NFIB: variants seen among roughly 807,000 people sequenced by gnomAD.
NFIB encodes nuclear factor I B.
A neutral mutation model predicts 61.5 loss-of-function variants in NFIB; 11 were observed. The ratio of observed to expected loss-of-function variants is 0.18; its 90% CI spans 0.11 to 0.30. NFIB has a LOEUF of 0.30. Ranked by LOEUF, NFIB falls within the 10% of genes least tolerant of loss-of-function variation. NFIB has a pLI of 1.00. For synonymous variants in NFIB, 260 were observed against 216.5 expected (o/e 1.20, Z -1.76); for missense variants, 471 against 608.9 (o/e 0.77, Z 2.38).
At chr9:14,521,393 G>A in the NFIB span, among the ~76,000 whole-genome samples, 9,992 of 152,112 alleles carry the variant, frequency 0.066, 430 homozygotes, top group East Asian at 0.16. Flanking sequence ...TGGTGTTATG[G>A]GAAGTGCCAA....
intron 6 of NFIB, 87 bp downstream of exon 6, chr9:14,146,602 T>A: frequency 1.3e-6 from 2 of 1,575,584 alleles, no homozygotes. Context: ...CCATATTGGT[T>A]TAATTATGAA....
chr9:14,102,646 A>T (rs2035950510), intron 10 of NFIB: 1 of 611,918 alleles, frequency 1.6e-6, no homozygotes, highest in African/African-American at 1.9e-5. Context: ...AGAAAAAAAA[A>T]AAGCAAAAAA....
intron 1 of NFIB, among the ~76,000 whole-genome samples, chr9:14,329,019 C>T: frequency 6.6e-6 from 1 of 152,202 alleles, no homozygotes; most frequent in East Asian, 1.9e-4. Context: ...GGAGTAGCAA[C>T]TGCCCCCTTT....
upstream of NFIB, among the ~76,000 whole-genome samples, chr9:14,316,682 GAC>G (rs140397546): frequency 3.3e-5 from 5 of 151,664 alleles, no homozygotes; most frequent in East Asian, 1.9e-4. Context: ...AACACACACA[GAC>G]ACACACACAC....
intron 2 of NFIB, among the ~76,000 whole-genome samples, chr9:14,302,991 G>A (rs2059829884): frequency 6.6e-6 from 1 of 152,184 alleles, no homozygotes; most frequent in Non-Finnish European, 1.5e-5. Context: ...ACAAAATTGT[G>A]CACTGAGAAT....
the NFIB span, among the ~76,000 whole-genome samples, chr9:14,511,749 G>A: frequency 6.6e-6 from 1 of 152,108 alleles, no homozygotes; most frequent in African/African-American, 2.4e-5. Context: ...TCCACTACTT[G>A]ATCTGTCTGA....
At chr9:14,389,907 A>C (rs1040588854) in intron 1 of NFIB, among the ~76,000 whole-genome samples, 2 of 152,230 alleles carry the variant, frequency 1.3e-5, no homozygotes, top group Admixed American at 1.3e-4. Flanking sequence ...TAGTCTGGGC[A>C]GTTGTGTCAT....
At chr9:14,363,626 T>TGTACATATACATATATATGTATATGTAC (rs1484875145) in intron 1 of NFIB, among the ~76,000 whole-genome samples, 7 of 123,822 alleles carry the variant, frequency 5.7e-5, no homozygotes, top group South Asian at 2.3e-4. Context: ...TGTATATGTG[T>TGTACATATACATATATATGTATATGTAC]GTACATATAC....
At chr9:14,419,227 G>T in the NFIB span, among the ~76,000 whole-genome samples, 2 of 149,624 alleles carry the variant, frequency 1.3e-5, no homozygotes. Context: ...CCTCAACATG[G>T]GCCCCTTGGA....
intron 1 of NFIB, among the ~76,000 whole-genome samples, chr9:14,395,690 C>T (rs553563477): frequency 6.0e-5 from 9 of 150,616 alleles, no homozygotes; most frequent in Non-Finnish European, 1.3e-4. Flanking sequence ...AAAATTCTTC[C>T]TCATCCCTCC....
chr9:14,141,779 G>T (rs1228471209), intron 6 of NFIB, among the ~76,000 whole-genome samples: 1 of 151,030 alleles, frequency 6.6e-6, no homozygotes, highest in Non-Finnish European at 1.5e-5. Context: ...TACTCATCTG[G>T]CTGAAAAGCT....
chr9:14,266,075 C>T (rs1464183766), intron 2 of NFIB, among the ~76,000 whole-genome samples: 2 of 152,028 alleles, frequency 1.3e-5, no homozygotes, highest in East Asian at 3.9e-4. Flanking sequence ...GATGTGGGTT[C>T]CTCTCCCGTA....
intron 2 of NFIB, among the ~76,000 whole-genome samples, chr9:14,192,619 T>G (rs1470740703): frequency 4.6e-5 from 7 of 152,174 alleles, no homozygotes; most frequent in African/African-American, 1.7e-4. Context: ...ATTCCTTCCC[T>G]CCTCTGCTTT....
intron 8 of NFIB, 143 bp from the exon 9 acceptor site, chr9:14,116,489 G>T (rs2038165627): frequency 1.3e-6 from 1 of 787,948 alleles, no homozygotes; most frequent in East Asian, 3.3e-5. Context: ...CGGAGTCGGA[G>T]AGGCCAGTCA....
chr9:14,172,223 C>T (rs1053008066), intron 3 of NFIB, among the ~76,000 whole-genome samples: 3 of 151,786 alleles, frequency 2.0e-5, no homozygotes, highest in African/African-American at 4.8e-5. Context: ...TGCCATGTTA[C>T]GAAGAAGAAG....
chr9:14,338,358 C>T (rs1244164145), intron 1 of NFIB, among the ~76,000 whole-genome samples: 1 of 151,766 alleles, frequency 6.6e-6, no homozygotes, highest in South Asian at 2.1e-4. Flanking sequence ...CGCGCCACTG[C>T]ACTCCAGCCT....
At chr9:14,154,523 T>C (rs2043181391) in intron 4 of NFIB, among the ~76,000 whole-genome samples, 1 of 152,140 alleles carries the variant, frequency 6.6e-6, no homozygotes, top group South Asian at 2.1e-4. Flanking sequence ...TATCACATAT[T>C]GATCTGGAAA....
the NFIB span, among the ~76,000 whole-genome samples, chr9:14,425,904 C>A: frequency 6.6e-6 from 1 of 152,060 alleles, no homozygotes. Flanking sequence ...CTAGGGGGAA[C>A]CTCACCTATG....
the NFIB span, among the ~76,000 whole-genome samples, chr9:14,496,624 T>A: frequency 6.6e-6 from 1 of 152,198 alleles, no homozygotes; most frequent in Non-Finnish European, 1.5e-5. Context: ...GCACCTTGCA[T>A]TTCGTAGTCC....
Sources: gnomAD v4.1 joint callset for allele counts (sites outside exome capture counted in the v4.1 genomes callset) on GRCh38, gnomAD v4.1.1 for gene constraint, MANE v1.5 for transcripts, NCBI Gene and HGNC (gene_info 2026-07-23, HGNC 2026-07-21) for gene names.